SMU1: variants seen among roughly 807,000 people sequenced by gnomAD.
The protein encoded by SMU1 is WD40 repeat-containing protein SMU1.
A neutral mutation model predicts 62.0 loss-of-function variants in SMU1; 2 were observed. The observed-to-expected ratio is 0.03, with a 90% CI of 0.01 to 0.10. SMU1 has a LOEUF of 0.10. Among genes scored for constraint, SMU1 ranks in the 10% least tolerant of loss-of-function variants. SMU1 has a pLI of 1.00. For missense variants in SMU1, 227 were observed against 622.1 expected (o/e 0.36, Z 6.76); for synonymous variants, 188 against 212.4 (o/e 0.89, Z 1.00).
At chr9:33,059,922 T>A (rs898061867) in intron 6 of SMU1, among the ~76,000 whole-genome samples, 7 of 151,860 alleles carry the variant, frequency 4.6e-5, no homozygotes, top group African/African-American at 9.7e-5. Context: ...TGAAAAAAAA[T>A]TTTTTACTTG....
At chr9:33,067,496 CTT>C (rs1163444916) in intron 4 of SMU1, among the ~76,000 whole-genome samples, 97 of 129,646 alleles carry the variant, frequency 7.5e-4, no homozygotes, top group African/African-American at 2.5e-3. Context: ...AAGCAGCTTA[CTT>C]TTTTTTTTTT....
At chr9:33,067,496 CT>C (rs1163444916) in intron 4 of SMU1, among the ~76,000 whole-genome samples, 2,633 of 129,640 alleles carry the variant, frequency 0.02, 51 homozygotes, top group African/African-American at 0.058. Flanking sequence ...AAGCAGCTTA[CT>C]TTTTTTTTTT....
intron 5 of SMU1, among the ~76,000 whole-genome samples, chr9:33,061,754 C>G (rs1376029745): frequency 6.6e-6 from 1 of 152,036 alleles, no homozygotes; most frequent in Admixed American, 6.5e-5. Context: ...CCAGGTGTAA[C>G]CAAAAAAGAA....
At chr9:33,056,041 C>A in intron 9 of SMU1, 72 bp downstream of exon 9, 1 of 1,454,360 alleles carries the variant, frequency 6.9e-7, no homozygotes, top group Non-Finnish European at 9.3e-7. Flanking sequence ...TTCCCATTAT[C>A]ACCACTGAAA....
rs747509692 is a variant in SMU1 at position 33,068,923 on chromosome 9, A to T, written c.402T>A (p.Asp134Glu). 1 of 1,614,106 alleles carries T rather than the reference A, an allele frequency of 6.2e-7. No homozygotes were observed. Among genetic ancestry groups the T allele is most frequent in the Admixed American group, 1.7e-5 (1 of 60,012 alleles). The change falls in exon 4 of 12, where the codon GAT (aspartate) becomes GAA (glutamate). Residue 134 changes from aspartate (D) to glutamate (E), a missense_variant. By Grantham distance (45) the Asp-to-Glu change is conservative. Around this residue, in one of 5 missense-constraint regions of SMU1, gnomAD observed 99 missense variants for 270.3 expected, o/e 0.37. Coordinates refer to ENST00000397149, the MANE Select transcript of SMU1 (RefSeq NM_018225.3). ...CTCTTCTCTTTTCTTTGCTACTTCC[A>T]TCTGGGTATGCCTGAAAAAGGAGAG... ...SYFDPREAYP[D>E]GSSKEKRRAA...
At chr9:33,061,351 A>G (rs1839359213) in intron 5 of SMU1, among the ~76,000 whole-genome samples, 1 of 152,228 alleles carries the variant, frequency 6.6e-6, no homozygotes, top group Non-Finnish European at 1.5e-5. Context: ...GGTGCTGCTT[A>G]AAAATATCTT....
chr9:33,064,655 T>C (rs759944083), intron 4 of SMU1, among the ~76,000 whole-genome samples: 5 of 152,200 alleles, frequency 3.3e-5, no homozygotes, highest in Non-Finnish European at 7.3e-5. Context: ...ATGCAAATTA[T>C]AGGTCTTTAT....
At position 33,043,748 on chromosome 9, in the gene SMU1, A is replaced by C. The variant is rs1207477519; in HGVS notation, c.*3545T>G. On this transcript the variant is annotated 3_prime_UTR_variant, in exon 12 of 12. Transcript: ENST00000397149. ...AGAAAAAAAACCTAGCTTCGGAGTC[A>C]CATCTGGTTTTCAATGCGAGCTTCG... is the stretch of plus-strand genomic sequence containing the variant. 1 of 152,266 alleles carries C rather than the reference A, an allele frequency of 6.6e-6. No homozygotes were observed. Among genetic ancestry groups the C allele is most frequent in the Non-Finnish European group, 1.5e-5 (1 of 68,046 alleles). The allele number at this position is 152,266 out of a possible 1,614,324, so 9.4% of individuals were successfully genotyped here. A position where few individuals can be genotyped will look rare whatever the true frequency, so the allele number is the denominator to read the frequency against.
In SMU1 at chr9:33,051,129, A is replaced by T. The variant is rs544211346; in HGVS notation, c.1290+1994T>A. ...GAGCGAGACTCTGTCTCAAAAAAAA[A>T]AAAAAATAAAAATAAAAATAAAAAA... On this transcript the variant is annotated intron_variant, in intron 10 of 11. Transcript: ENST00000397149. Among the ~76,000 whole-genome samples, 43 of 68,818 alleles carry T rather than the reference A, an allele frequency of 6.2e-4. 7 individuals carry two copies. The highest frequency in any genetic ancestry group is 0.015 in the Middle Eastern group (2 of 134). 45.1% of individuals were successfully genotyped at this position (68,818 alleles called of 152,430 possible).
rs193039722 is a variant in SMU1 at position 33,047,996 on chromosome 9, T to C, written c.1443+110A>G. 279 of 968,488 alleles carry C rather than the reference T, an allele frequency of 2.9e-4. 2 individuals are homozygous for C. In the African/African-American group the frequency reaches 4.0e-3, roughly 14 times the overall value. 60.0% of individuals were successfully genotyped at this position (968,488 alleles called of 1,614,324 possible). A position where few individuals can be genotyped will look rare whatever the true frequency, so the allele number is the denominator to read the frequency against. ...AGCTAAATGTTTTAAAACAACATAT[T>C]TTATACTGAGGGTCACATCGATAGC... On this transcript the variant is annotated intron_variant, in intron 11 of 11. Transcript: ENST00000397149.
intron 2 of SMU1, 30 bp downstream of exon 2, chr9:33,073,557 GAACCAACCC>G (rs771146734): frequency 3.2e-6 from 5 of 1,543,856 alleles, no homozygotes; most frequent in Non-Finnish European, 8.9e-7. Context: ...GGCCCACAAC[GAACCAACCC>G]ATGGGGATCA....
Position 33,044,930 on chromosome 9 carries a change from C to CTT in SMU1, c.*2361_*2362dup, listed in dbSNP as rs1234073042. 6.6e-6 allele frequency: 1 copy of CTT among 152,210 alleles called. No homozygotes were observed. Among genetic ancestry groups the CTT allele is most frequent in the African/African-American group, 2.4e-5 (1 of 41,438 alleles). The allele number at this position is 152,210 out of a possible 1,614,324, so 9.4% of individuals were successfully genotyped here. On this transcript the variant is annotated 3_prime_UTR_variant, in exon 12 of 12. Coordinates refer to ENST00000397149, the MANE Select transcript of SMU1 (RefSeq NM_018225.3). ...TCCCTCCAGGAAGCCTTTCCCAACCCTTTCGCGTTAACTGCCCGCCTCATC... is the reference window on the plus strand; with the variant it reads ...TCCCTCCAGGAAGCCTTTCCCAACCCTTTTTCGCGTTAACTGCCCGCCTCATC...
chr9:33,057,852 G>A (rs554313980), intron 6 of SMU1, 138 bp from the exon 7 acceptor site: 87 of 945,932 alleles, frequency 9.2e-5, no homozygotes, highest in Non-Finnish European at 1.2e-4. Flanking sequence ...GTGCATACAC[G>A]TTCCTAGTAA....
intron 4 of SMU1, among the ~76,000 whole-genome samples, chr9:33,062,486 C>A (rs2119438815): frequency 6.6e-6 from 1 of 152,262 alleles, no homozygotes; most frequent in East Asian, 1.9e-4. Flanking sequence ...TTCTAACACT[C>A]AAACACACCC....
In SMU1 at chr9:33,061,730, CA is replaced by C. The variant is rs1839364077; in HGVS notation, c.630+318del. ...AAATGGTAAACAGAAGAAGTACATA[CA>C]AAGTTCACAGTCCCAGGTGTAACCA... On this transcript the variant is annotated intron_variant, in intron 5 of 11. Transcript: ENST00000397149. Among the ~76,000 whole-genome samples the C allele has an allele frequency of 2.6e-5, 4 of 152,320 alleles. No individual in the cohort carries two copies. The South Asian group carries it at 8.3e-4, about 32-fold the overall frequency.
chr9:33,060,353 G>T, intron 6 of SMU1, 112 bp downstream of exon 6: 4 of 933,654 alleles, frequency 4.3e-6, no homozygotes, highest in Non-Finnish European at 6.4e-6. Context: ...AGTAATACAT[G>T]TTCATTACAT....
chr9:33,042,154 C>T lies in SMU1; in HGVS notation c.*5139G>A, dbSNP rs953001366. ...TTGGTGCAAAAGTAATGTGCCATTA[C>T]TTTTAATGGCAAAAACCGCAATTAC... On this transcript the variant is annotated 3_prime_UTR_variant, in exon 12 of 12. Coordinates refer to ENST00000397149, the MANE Select transcript of SMU1 (RefSeq NM_018225.3). 2 of 152,578 alleles carry T rather than the reference C, an allele frequency of 1.3e-5. No homozygotes were observed. The highest frequency in any genetic ancestry group is 4.8e-5 in the African/African-American group (2 of 41,418). 9.5% of individuals were successfully genotyped at this position (152,578 alleles called of 1,614,324 possible).
intron 10 of SMU1, among the ~76,000 whole-genome samples, chr9:33,051,809 C>T (rs1307635443): frequency 1.3e-5 from 2 of 152,036 alleles, no homozygotes; most frequent in South Asian, 2.1e-4. Flanking sequence ...AATCCCAGCA[C>T]TTTCGGAGGC....
intron 10 of SMU1, among the ~76,000 whole-genome samples, chr9:33,050,290 A>C (rs1405003763): frequency 6.6e-6 from 1 of 152,210 alleles, no homozygotes; most frequent in Non-Finnish European, 1.5e-5. Flanking sequence ...AAGGGTGAGA[A>C]TACAAAAGGA....
Sources: gnomAD v4.1 joint callset for allele counts (sites outside exome capture counted in the v4.1 genomes callset) on GRCh38, gnomAD v4.1.1 for gene constraint, gnomAD v4.1.1 regional missense constraint, MANE v1.5 for transcripts, NCBI Gene and HGNC (gene_info 2026-07-23, HGNC 2026-07-21) for gene names.